RBFOX1: variants seen among roughly 807,000 people sequenced by gnomAD.
The protein encoded by RBFOX1 is RNA binding protein fox-1 homolog 1.
Under a neutral mutation model 57.7 loss-of-function variants are expected in RBFOX1, and 8 were observed. The observed-to-expected ratio is 0.14, with a 90% CI of 0.08 to 0.25. RBFOX1 has a LOEUF of 0.25. RBFOX1 is among the 10% of genes least tolerant of loss of function. The pLI is 1.00. For synonymous variants in RBFOX1, 326 were observed against 222.4 expected, an observed-to-expected ratio of 1.47 and a Z score of -4.15; for missense variants, 611 against 548.5, an observed-to-expected ratio of 1.11 and a Z score of -1.14.
intron 2 of RBFOX1, among the ~76,000 whole-genome samples, chr16:6,461,397 G>A (rs1230890956): frequency 6.6e-6 from 1 of 152,176 alleles, no homozygotes; most frequent in Non-Finnish European, 1.5e-5. Context: ...GAGGGATTAA[G>A]ACTTCAACGT....
intron 3 of RBFOX1, among the ~76,000 whole-genome samples, chr16:6,702,573 C>T (rs1161247313): frequency 6.6e-6 from 1 of 151,698 alleles, no homozygotes; most frequent in East Asian, 1.9e-4. Context: ...AAACAAAAAT[C>T]CAAATTATAT....
chr16:7,571,224 C>T (rs1423096938), intron 5 of RBFOX1, among the ~76,000 whole-genome samples: 1 of 145,710 alleles, frequency 6.9e-6, no homozygotes, highest in African/African-American at 2.5e-5. Context: ...AAAAAAAAAT[C>T]CTTCCCTGTG....
chr16:7,265,702 G>A (rs12102358), intron 4 of RBFOX1, among the ~76,000 whole-genome samples: 2 of 152,198 alleles, frequency 1.3e-5, no homozygotes, highest in Admixed American at 1.3e-4. Context: ...GCCTGCCTTA[G>A]CCTCCCAGTG....
intron 3 of RBFOX1, among the ~76,000 whole-genome samples, chr16:5,823,255 G>A (rs1463875616): frequency 6.6e-6 from 1 of 152,072 alleles, no homozygotes; most frequent in Non-Finnish European, 1.5e-5. Context: ...ACACATAGTT[G>A]GTACTTGATA....
chr16:7,085,301 G>C (rs1599045826), intron 4 of RBFOX1, among the ~76,000 whole-genome samples: 1 of 152,216 alleles, frequency 6.6e-6, no homozygotes, highest in African/African-American at 2.4e-5. Context: ...CTCAGCACCG[G>C]CTCATGGTTA....
intron 4 of RBFOX1, among the ~76,000 whole-genome samples, chr16:7,145,089 A>C (rs1171004305): frequency 6.6e-6 from 1 of 152,242 alleles, no homozygotes; most frequent in Non-Finnish European, 1.5e-5. Flanking sequence ...CTAGCTTGAC[A>C]GTGATCCCTT....
At chr16:6,863,552 ATAAATG>A (rs1046084736) in intron 3 of RBFOX1, among the ~76,000 whole-genome samples, 1 of 151,890 alleles carries the variant, frequency 6.6e-6, no homozygotes, top group African/African-American at 2.4e-5. Flanking sequence ...GGTTACATAG[ATAAATG>A]TAAATAACAT....
At chr16:6,947,555 C>G (rs2079809820) in intron 3 of RBFOX1, among the ~76,000 whole-genome samples, 1 of 152,188 alleles carries the variant, frequency 6.6e-6, no homozygotes, top group Non-Finnish European at 1.5e-5. Flanking sequence ...CATGAATGGA[C>G]TTGAGTTCCT....
At chr16:5,304,355 A>G (rs1034626649) in intron 1 of RBFOX1, among the ~76,000 whole-genome samples, 6 of 152,234 alleles carry the variant, frequency 3.9e-5, no homozygotes, top group Admixed American at 6.5e-5. Flanking sequence ...AGGGTGTTCT[A>G]TAATCCTCCC....
At chr16:7,520,724 A>C (rs2077348329) in intron 5 of RBFOX1, among the ~76,000 whole-genome samples, 1 of 152,146 alleles carries the variant, frequency 6.6e-6, no homozygotes, top group South Asian at 2.1e-4. Flanking sequence ...TTTTGCGCTG[A>C]CTACCAGGTA....
intron 3 of RBFOX1, among the ~76,000 whole-genome samples, chr16:5,654,258 C>A (rs547646380): frequency 1.3e-5 from 2 of 152,110 alleles, no homozygotes; most frequent in African/African-American, 4.8e-5. Flanking sequence ...TGTTCTTTGG[C>A]CTGTAATATG....
intron 2 of RBFOX1, among the ~76,000 whole-genome samples, chr16:5,543,870 T>C (rs950691933): frequency 2.0e-5 from 3 of 151,996 alleles, no homozygotes; most frequent in Admixed American, 1.3e-4. Flanking sequence ...AGTGTAAAGA[T>C]AGGGAGTAAA....
intron 1 of RBFOX1, among the ~76,000 whole-genome samples, chr16:6,057,644 C>G (rs1321259179): frequency 6.6e-6 from 1 of 152,074 alleles, no homozygotes; most frequent in Non-Finnish European, 1.5e-5. Flanking sequence ...TATTGTTTCT[C>G]TAATGTAATG....
intron 1 of RBFOX1, among the ~76,000 whole-genome samples, chr16:5,332,280 T>A (rs2064777086): frequency 6.6e-6 from 1 of 152,258 alleles, no homozygotes; most frequent in Admixed American, 6.5e-5. Context: ...TATTTTATTT[T>A]ATGTTTTGAG....
chr16:6,626,675 G>A (rs972476818), intron 2 of RBFOX1, among the ~76,000 whole-genome samples: 1 of 152,074 alleles, frequency 6.6e-6, no homozygotes, highest in African/African-American at 2.4e-5. Flanking sequence ...CAGGAGAATT[G>A]CTTGAACCCG....
chr16:7,421,831 T>A (rs193029085), intron 4 of RBFOX1, among the ~76,000 whole-genome samples: 1 of 152,376 alleles, frequency 6.6e-6, no homozygotes, highest in African/African-American at 2.4e-5. Context: ...AATTATATTT[T>A]GTAAGGGCAT....
At chr16:6,877,180 G>C (rs1603635515) in intron 3 of RBFOX1, among the ~76,000 whole-genome samples, 1 of 152,128 alleles carries the variant, frequency 6.6e-6, no homozygotes, top group African/African-American at 2.4e-5. Context: ...TCTTATTTCT[G>C]CAGCCGTTAC....
intron 4 of RBFOX1, among the ~76,000 whole-genome samples, chr16:5,978,566 T>A (rs2060112521): frequency 1.3e-5 from 2 of 152,298 alleles, no homozygotes; most frequent in South Asian, 2.1e-4. Context: ...CTGTTTCTAT[T>A]CCAAATCCAA....
chr16:6,602,292 T>C (rs1165230868), intron 2 of RBFOX1, among the ~76,000 whole-genome samples: 1 of 152,242 alleles, frequency 6.6e-6, no homozygotes, highest in Non-Finnish European at 1.5e-5. Flanking sequence ...CTTTTAATAG[T>C]GTCTTTGATT....
Sources: gnomAD v4.1 joint callset for allele counts (sites outside exome capture counted in the v4.1 genomes callset) on GRCh38, gnomAD v4.1.1 for gene constraint, MANE v1.5 for transcripts, NCBI Gene and HGNC (gene_info 2026-07-23, HGNC 2026-07-21) for gene names.